The following DEDD variants were observed in gnomAD, a reference collection of about 807,000 sequenced individuals.
The protein encoded by DEDD is death effector domain containing.
In DEDD, 3 loss-of-function variants were observed where a neutral mutation model predicts 29.2. The ratio of observed to expected loss-of-function variants is 0.10; its 90% CI spans 0.05 to 0.27. The LOEUF (loss-of-function observed/expected upper bound fraction) is 0.27. DEDD is among the 10% of genes least tolerant of loss of function. The pLI is 1.00. For missense variants in DEDD, 261 were observed against 420.5 expected (o/e 0.62, Z 3.32); for synonymous variants, 152 against 161.3 (o/e 0.94, Z 0.44).
intron 2 of DEDD, among the ~76,000 whole-genome samples, chr1:161,126,897 C>T (rs962730004): frequency 6.6e-6 from 1 of 152,122 alleles, no homozygotes; most frequent in Non-Finnish European, 1.5e-5. Context: ...TAAGAGTCAG[C>T]TCAGATGCCA....
In DEDD at chr1:161,122,550, G is replaced by GAAGAGGTT. The variant is rs762660464; in HGVS notation, c.581-35_581-28dup. ...TGTTGGAAACAGAAGATACAGAGCA[G>GAAGAGGTT]AAGAGGTTACAGTAAGGGATGAGTT... is the stretch of plus-strand genomic sequence containing the variant. On this transcript the variant is annotated intron_variant, in intron 5 of 5. Transcript: ENST00000368006. This position sits in a 1 kb window ranked among gnomAD's most constrained non-coding sequence, Gnocchi z 4.2. 1 of 1,602,132 alleles carries GAAGAGGTT rather than the reference G, an allele frequency of 6.2e-7. No homozygotes were observed. The highest frequency in any genetic ancestry group is 8.5e-7 in the Non-Finnish European group (1 of 1,172,028).
chr1:161,129,608 A>G (rs1346740228), intron 2 of DEDD, among the ~76,000 whole-genome samples: 1 of 151,990 alleles, frequency 6.6e-6, no homozygotes, highest in Non-Finnish European at 1.5e-5. Context: ...AACATGACCA[A>G]TTTCCTCTAA....
rs1205424289 is a variant in DEDD at position 161,121,982 on chromosome 1, G to C, written c.*165C>G. The stretch of plus-strand genomic sequence containing the variant: ...AAGCCCAGGCACATGGGTGCAGGGA[G>C]GGGTGGGGAATACCACTTCCACTTT... On this transcript the variant is annotated 3_prime_UTR_variant, in exon 6 of 6. Transcript: ENST00000368006. 3.5e-6 allele frequency: 3 copies of C among 863,558 alleles called. No homozygotes were observed. The highest frequency in any genetic ancestry group is 2.6e-5 in the Admixed American group (1 of 38,984). The allele number at this position is 863,558 out of a possible 1,614,324, so 53.5% of individuals were successfully genotyped here.
chr1:161,122,189 T>C lies in DEDD; in HGVS notation c.915A>G (p.Arg305=). 1 of 1,614,050 alleles carries C rather than the reference T, an allele frequency of 6.2e-7. No individual in the cohort carries two copies. Among genetic ancestry groups the C allele is most frequent in the Non-Finnish European group, 8.5e-7 (1 of 1,180,036 alleles). ...NVDEEDYELG[R]QKLLRNLMLQ... ...GCATCAAGTTCCTCAGGAGTTTCTG[T>C]CGGCCCAGCTCATAGTCCTCCTCGT... The change falls in exon 6 of 6, where the codon CGA becomes CGG. Residue 305 remains arginine (R), a synonymous_variant. Coordinates refer to ENST00000368006, the MANE Select transcript of DEDD (RefSeq NM_032998.3). The surrounding 1 kb of genome is among the most constrained non-coding windows in gnomAD (Gnocchi z 4.2).
chr1:161,123,950 TAGG>T lies in DEDD; in HGVS notation c.326-7_326-5del, dbSNP rs1655859285. ...TTGTCTACAAGATCAGGGCACACTGTAGGAGGAGAAGTAATCATTCAGGAAAAT... is the reference window on the plus strand; with the variant it reads ...TTGTCTACAAGATCAGGGCACACTGTAGGAGAAGTAATCATTCAGGAAAAT... On this transcript the variant is annotated splice_polypyrimidine_tract_variant and splice_region_variant and intron_variant, in intron 3 of 5. Coordinates refer to ENST00000368006, the MANE Select transcript of DEDD (RefSeq NM_032998.3). 6.2e-6 allele frequency: 10 copies of T among 1,613,348 alleles called. No individual in the cohort carries two copies. The highest frequency in any genetic ancestry group is 1.1e-5 in the South Asian group (1 of 91,012).
chr1:161,123,410 C>T (rs1655755609), intron 4 of DEDD, among the ~76,000 whole-genome samples, 189 bp from the exon 5 acceptor site: 4 of 152,044 alleles, frequency 2.6e-5, no homozygotes, highest in African/African-American at 7.2e-5. Context: ...GAGGCCAAGG[C>T]GGGTGGATCA....
chr1:161,129,938 G>A (rs866019100), intron 2 of DEDD, among the ~76,000 whole-genome samples: 27 of 152,154 alleles, frequency 1.8e-4, no homozygotes, highest in African/African-American at 6.5e-4. Flanking sequence ...TTTTTCTTTA[G>A]AGAAGTCCAA....
chr1:161,128,040 G>A (rs1656333364), intron 2 of DEDD, among the ~76,000 whole-genome samples: 1 of 152,166 alleles, frequency 6.6e-6, no homozygotes, highest in African/African-American at 2.4e-5. Flanking sequence ...ATCAATGGAT[G>A]TAATTCTATA....
Position 161,122,918 on chromosome 1 carries a change from G to A in DEDD, c.580+157C>T. ...ATGTACCCTGCCACAATCATAAAGA[G>A]CAGTTCTTCCACCAGACACCAAACC... On this transcript the variant is annotated intron_variant, in intron 5 of 5. Transcript: ENST00000368006. The surrounding 1 kb of genome is among the most constrained non-coding windows in gnomAD (Gnocchi z 4.2). 7.4e-7 allele frequency: 1 copy of A among 1,355,412 alleles called. No individual in the cohort carries two copies. The highest frequency in any genetic ancestry group is 1.2e-5 in the South Asian group (1 of 84,886). The allele number at this position is 1,355,412 out of a possible 1,614,324, so 84.0% of individuals were successfully genotyped here. A position where few individuals can be genotyped will look rare whatever the true frequency, so the allele number is the denominator to read the frequency against.
chr1:161,122,605 C>A lies in DEDD; in HGVS notation c.581-82G>T. The A allele has an allele frequency of 6.6e-7, 1 of 1,515,212 alleles. No individual in the cohort carries two copies. The allele number at this position is 1,515,212 out of a possible 1,614,324, so 93.9% of individuals were successfully genotyped here. A position where few individuals can be genotyped will look rare whatever the true frequency, so the allele number is the denominator to read the frequency against. ...AGCCAAGCTTGAAAACTGAAAAGCA[C>A]AACAGAATAAAAAAGTAGGGAATAT... On this transcript the variant is annotated intron_variant, in intron 5 of 5. Coordinates refer to ENST00000368006, the MANE Select transcript of DEDD (RefSeq NM_032998.3). This position sits in a 1 kb window ranked among gnomAD's most constrained non-coding sequence, Gnocchi z 4.2.
chr1:161,129,539 CAAA>C (rs71579693), intron 2 of DEDD, among the ~76,000 whole-genome samples: 76 of 70,222 alleles, frequency 1.1e-3, no homozygotes, highest in Non-Finnish European at 3.5e-4. Context: ...GACCTTGCCT[CAAA>C]AAAAAAAAAA....
chr1:161,121,895 C>T lies in DEDD; in HGVS notation c.*252G>A. On this transcript the variant is annotated 3_prime_UTR_variant, in exon 6 of 6. Transcript: ENST00000368006. Reference sequence around the variant, plus strand: ...TTCTTCCTATACATTTGTCTTACGGCTCAGTGGTAAGGTAGCTGTAGAGAC... The same window carrying T: ...TTCTTCCTATACATTTGTCTTACGGTTCAGTGGTAAGGTAGCTGTAGAGAC... The T allele has an allele frequency of 2.2e-6, 1 of 464,430 alleles. No homozygotes were observed. The highest frequency in any genetic ancestry group is 3.9e-6 in the Non-Finnish European group (1 of 258,498). 28.8% of individuals were successfully genotyped at this position (464,430 alleles called of 1,614,324 possible).
In DEDD at chr1:161,122,011, TTGTC is replaced by T. The variant is rs1443841235; in HGVS notation, c.*132_*135del. 8 of 1,221,118 alleles carry T rather than the reference TTGTC, an allele frequency of 6.6e-6. No individual in the cohort carries two copies. The highest frequency in any genetic ancestry group is 9.0e-6 in the Non-Finnish European group (8 of 888,958). The allele number at this position is 1,221,118 out of a possible 1,614,324, so 75.6% of individuals were successfully genotyped here. A position where few individuals can be genotyped will look rare whatever the true frequency, so the allele number is the denominator to read the frequency against. ...TGGGGAATACCACTTCCACTTTCTT[TTGTC>T]TTTTTCTTTAAAAAAAAAAAAAAAA... is the stretch of plus-strand genomic sequence containing the variant. On this transcript the variant is annotated 3_prime_UTR_variant, in exon 6 of 6. Transcript: ENST00000368006. The surrounding 1 kb of genome is among the most constrained non-coding windows in gnomAD (Gnocchi z 4.2).
At chr1:161,132,032 C>T (rs1656719558) in intron 1 of DEDD, 1 of 152,174 alleles carries the variant, frequency 6.6e-6, no homozygotes, top group Non-Finnish European at 1.5e-5. Flanking sequence ...TAGGCCCTTC[C>T]CCCTCCCACC....
At chr1:161,128,833 T>C (rs888195722) in intron 2 of DEDD, among the ~76,000 whole-genome samples, 4 of 152,082 alleles carry the variant, frequency 2.6e-5, no homozygotes, top group Non-Finnish European at 5.9e-5. Flanking sequence ...CTGTCGGACA[T>C]ACATGTTCAT....
rs1178223996 is a variant in DEDD, at chr1:161,122,850, T to G, written c.580+225A>C. 2.4e-6 allele frequency: 2 copies of G among 828,542 alleles called. No individual in the cohort carries two copies. Among genetic ancestry groups the G allele is most frequent in the Non-Finnish European group, 3.8e-6 (2 of 525,478 alleles). The allele number at this position is 828,542 out of a possible 1,614,324, so 51.3% of individuals were successfully genotyped here. On this transcript the variant is annotated intron_variant, in intron 5 of 5. Coordinates refer to ENST00000368006, the MANE Select transcript of DEDD (RefSeq NM_032998.3). This position sits in a 1 kb window ranked among gnomAD's most constrained non-coding sequence, Gnocchi z 4.2. ...GGCTCATCCTACAATAAGGATGTCA[T>G]AACAACATCCCTGTGATGTAGTATT...
intron 4 of DEDD, 110 bp downstream of exon 4, chr1:161,123,729 G>T: frequency 1.1e-6 from 1 of 943,746 alleles, no homozygotes; most frequent in Non-Finnish European, 1.6e-6. Context: ...TATGGGGCAA[G>T]ATGTGGGCGC....
chr1:161,127,737 A>G (rs1396933414), intron 2 of DEDD, among the ~76,000 whole-genome samples: 1 of 152,210 alleles, frequency 6.6e-6, no homozygotes, highest in Non-Finnish European at 1.5e-5. Flanking sequence ...AAAGGAAAAT[A>G]AGTTATTGCT....
At chr1:161,130,683 T>G (rs1656596995) in intron 2 of DEDD, 132 bp downstream of exon 2, 1 of 152,194 alleles carries the variant, frequency 6.6e-6, no homozygotes, top group South Asian at 2.1e-4. Context: ...TCTCATGCAC[T>G]CAGATGGATG....
Sources: allele counts gnomAD v4.1 joint callset (sites outside exome capture counted in the v4.1 genomes callset), GRCh38; gene constraint gnomAD v4.1.1; non-coding constraint Gnocchi (gnomAD v3.1); transcripts MANE v1.5; gene names NCBI Gene and HGNC (gene_info 2026-07-23, HGNC 2026-07-21).